Variants in PRKG1 observed in about 807,000 individuals in gnomAD.
The protein encoded by PRKG1 is cGMP-dependent protein kinase 1.
In PRKG1, 35 loss-of-function variants were observed where a neutral mutation model predicts 88.1. The ratio of observed to expected loss-of-function variants is 0.40; its 90% confidence interval spans 0.30 to 0.53. The LOEUF (loss-of-function observed/expected upper bound fraction) is 0.53, where lower values mean the gene tolerates loss of function less well. Ranked by LOEUF, PRKG1 falls within the 20% of genes least tolerant of loss-of-function variation. PRKG1 has a pLI of 0.59. For missense variants in PRKG1, 540 were observed against 839.8 expected, an observed-to-expected ratio of 0.64 and a Z score of 4.41; for synonymous variants, 303 against 292.5, an observed-to-expected ratio of 1.04 and a Z score of -0.37.
chr10:51,164,517 C>T (rs990472008), intron 2 of PRKG1, among the ~76,000 whole-genome samples: 4 of 152,230 alleles, frequency 2.6e-5, no homozygotes, highest in African/African-American at 7.2e-5. Flanking sequence ...GAACGCAGCT[C>T]CTCACCAGCA....
At chr10:52,101,115 A>G (rs534969755) in intron 7 of PRKG1, among the ~76,000 whole-genome samples, 2 of 152,334 alleles carry the variant, frequency 1.3e-5, no homozygotes, top group South Asian at 2.1e-4. Context: ...TTCAGAATTC[A>G]TATCAGCATA....
intron 1 of PRKG1, among the ~76,000 whole-genome samples, chr10:51,055,723 G>A (rs1202927049): frequency 6.6e-6 from 1 of 150,982 alleles, no homozygotes; most frequent in African/African-American, 2.5e-5. Flanking sequence ...GGGTGACTGA[G>A]CCAGACTCCG....
At chr10:52,031,823 T>C (rs1026114876) in intron 5 of PRKG1, among the ~76,000 whole-genome samples, 2 of 152,190 alleles carry the variant, frequency 1.3e-5, no homozygotes, top group Non-Finnish European at 2.9e-5. Flanking sequence ...GGATGATCTT[T>C]ATATTTGGAT....
intron 3 of PRKG1, among the ~76,000 whole-genome samples, chr10:51,490,758 T>C (rs758308328): frequency 1.3e-5 from 2 of 152,010 alleles, no homozygotes; most frequent in Non-Finnish European, 2.9e-5. Flanking sequence ...ATTCTTGGTG[T>C]GAATATAAGG....
chr10:51,877,415 T>C (rs1206696181), intron 4 of PRKG1, among the ~76,000 whole-genome samples: 1 of 152,184 alleles, frequency 6.6e-6, no homozygotes, highest in Non-Finnish European at 1.5e-5. Context: ...TGATGGTATC[T>C]AAAGAACTCT....
Position 51,722,631 on chromosome 10 carries a change from G to C in PRKG1, c.593-81954G>C, listed in dbSNP as rs1842041012. On this transcript the variant is annotated intron_variant, in intron 3 of 17. Transcript: ENST00000373980. The stretch of plus-strand genomic sequence containing the variant: ...CAAAATATTTCACCTCTATGGCAAA[G>C]AAAGCATTTAAACCTAGTTTATCTC... Among the ~76,000 whole-genome samples the C allele has an allele frequency of 2.0e-5, 3 of 152,088 alleles. No homozygotes were observed. The South Asian group carries it at 6.2e-4, about 31-fold the overall frequency.
At chr10:52,097,619 C>T (rs968451114) in intron 7 of PRKG1, among the ~76,000 whole-genome samples, 4 of 151,968 alleles carry the variant, frequency 2.6e-5, no homozygotes, top group African/African-American at 4.8e-5. Flanking sequence ...AAACTCAGTT[C>T]ATTAACATCT....
intron 3 of PRKG1, among the ~76,000 whole-genome samples, chr10:51,523,573 A>ACTTT (rs1564534106): frequency 6.6e-6 from 1 of 152,158 alleles, no homozygotes. Flanking sequence ...TAGTTATAAA[A>ACTTT]CTAGAAAGGA....
At chr10:51,952,744 C>T (rs192353203) in intron 5 of PRKG1, among the ~76,000 whole-genome samples, 1 of 152,238 alleles carries the variant, frequency 6.6e-6, no homozygotes, top group East Asian at 1.9e-4. Context: ...CTGTCACTTA[C>T]TAATTATGTA....
At chr10:51,352,650 T>C (rs1369876491) in intron 2 of PRKG1, among the ~76,000 whole-genome samples, 1 of 151,980 alleles carries the variant, frequency 6.6e-6, no homozygotes, top group Non-Finnish European at 1.5e-5. Context: ...GGAATAAATA[T>C]CATTAAAATG....
chr10:51,004,828 A>G (rs992099601), intron 1 of PRKG1, among the ~76,000 whole-genome samples: 1 of 152,210 alleles, frequency 6.6e-6, no homozygotes, highest in Admixed American at 6.5e-5. Context: ...GCTCTTAAAT[A>G]AAATAACCAC....
At chr10:51,058,961 A>G (rs961331572) in intron 1 of PRKG1, among the ~76,000 whole-genome samples, 1 of 152,178 alleles carries the variant, frequency 6.6e-6, no homozygotes. Flanking sequence ...TAGCTTATGT[A>G]TGTAGGTTTA....
chr10:51,501,847 A>C (rs1484965622), intron 3 of PRKG1, among the ~76,000 whole-genome samples: 1 of 111,962 alleles, frequency 8.9e-6, no homozygotes, highest in Non-Finnish European at 1.7e-5. Context: ...ATACAAAGTT[A>C]TATCTTGACC....
At chr10:52,064,047 C>A (rs1012358699) in intron 7 of PRKG1, among the ~76,000 whole-genome samples, 1 of 152,182 alleles carries the variant, frequency 6.6e-6, no homozygotes, top group Non-Finnish European at 1.5e-5. Context: ...GCCTGGCCTC[C>A]AGCCTTCAGG....
chr10:51,688,886 C>T (rs1480968081), intron 3 of PRKG1, among the ~76,000 whole-genome samples: 1 of 152,172 alleles, frequency 6.6e-6, no homozygotes, highest in East Asian at 1.9e-4. Context: ...CATCTTGTAG[C>T]TCCCATAATT....
intron 2 of PRKG1, among the ~76,000 whole-genome samples, chr10:51,203,187 T>G (rs1175646659): frequency 1.3e-5 from 2 of 152,200 alleles, no homozygotes; most frequent in Non-Finnish European, 2.9e-5. Flanking sequence ...ATTGTTGCAC[T>G]GAAGGATATA....
chr10:51,704,141 C>CAAA (rs34997783), intron 3 of PRKG1, among the ~76,000 whole-genome samples: 7 of 79,598 alleles, frequency 8.8e-5, no homozygotes, highest in African/African-American at 2.7e-4. Flanking sequence ...GAAACTGTCT[C>CAAA]AAAAAAAAAA....
At chr10:51,973,238 C>A (rs1012940801) in intron 5 of PRKG1, among the ~76,000 whole-genome samples, 12 of 152,168 alleles carry the variant, frequency 7.9e-5, no homozygotes, top group African/African-American at 2.7e-4. Context: ...AATGATCTGC[C>A]TCACATTCCA....
rs7903414 is a variant in PRKG1, at chr10:51,844,168, T to G, written c.698+39478T>G. 6.1e-3 allele frequency among the ~76,000 whole-genome samples: 923 copies of G among 152,264 alleles called. 5 individuals carry two copies. The highest frequency in any genetic ancestry group is 0.011 in the Non-Finnish European group (744 of 68,018). ...TGAAAAGAATGACATATTTTCAAGA[T>G]TTTCTGTCAATGCTGATGGCAATCA... On this transcript the variant is annotated intron_variant, in intron 4 of 17. Coordinates refer to ENST00000373980, the MANE Select transcript of PRKG1 (RefSeq NM_006258.4).
Sources: allele counts gnomAD v4.1 joint callset (sites outside exome capture counted in the v4.1 genomes callset), GRCh38; gene constraint gnomAD v4.1.1; transcripts MANE v1.5; gene names NCBI Gene and HGNC (gene_info 2026-07-23, HGNC 2026-07-21).